TRAPPC12: variants seen among roughly 807,000 people sequenced by gnomAD.
TRAPPC12 encodes the protein TPR repeat protein 15.
In TRAPPC12, 61 loss-of-function variants were observed where a neutral mutation model predicts 69.2. The observed-to-expected ratio is 0.88, with a 90% confidence interval of 0.72 to 1.09. The LOEUF is 1.09. Among genes scored for constraint, TRAPPC12 ranks in the 50% least tolerant of loss-of-function variants. The pLI, the probability that TRAPPC12 is intolerant of heterozygous loss-of-function variation, is 0.00. For synonymous variants in TRAPPC12, 469 were observed against 438.9 expected (o/e 1.07, Z -0.86); for missense variants, 1,101 against 1,016.4 (o/e 1.08, Z -1.13).
chr2:3,446,589 G>A (rs1204871672), intron 6 of TRAPPC12, among the ~76,000 whole-genome samples: 2 of 152,228 alleles, frequency 1.3e-5, no homozygotes, highest in Non-Finnish European at 2.9e-5. Flanking sequence ...GCTCATGGCC[G>A]CATGTGGGCA....
At chr2:3,442,378 T>G (rs536190903) in intron 5 of TRAPPC12, among the ~76,000 whole-genome samples, 1 of 152,346 alleles carries the variant, frequency 6.6e-6, no homozygotes, top group East Asian at 1.9e-4. Flanking sequence ...GTGACGTGGC[T>G]TACATATAAC....
chr2:3,410,623 G>A (rs1662005128), intron 3 of TRAPPC12, among the ~76,000 whole-genome samples: 1 of 152,158 alleles, frequency 6.6e-6, no homozygotes, highest in South Asian at 2.1e-4. Context: ...AGCCTTTACT[G>A]TAAAATATGT....
At chr2:3,443,994 A>G in intron 6 of TRAPPC12, 103 bp downstream of exon 6, 1 of 805,976 alleles carries the variant, frequency 1.2e-6, no homozygotes, top group Non-Finnish European at 2.0e-6. Context: ...TGCCCCATGC[A>G]CCATCGCTGC....
At chr2:3,472,147 C>G (rs1313260192) in intron 9 of TRAPPC12, among the ~76,000 whole-genome samples, 1 of 152,118 alleles carries the variant, frequency 6.6e-6, no homozygotes, top group African/African-American at 2.4e-5. Context: ...TCAGCAAGAA[C>G]CAAGGTCACC....
intron 5 of TRAPPC12, among the ~76,000 whole-genome samples, chr2:3,425,546 G>A (rs942832152): frequency 1.3e-5 from 2 of 152,282 alleles, no homozygotes; most frequent in African/African-American, 4.8e-5. Context: ...ATGATGTCAC[G>A]TGTAAGTTGC....
chr2:3,417,139 C>T (rs371203140), intron 3 of TRAPPC12, among the ~76,000 whole-genome samples: 1 of 152,284 alleles, frequency 6.6e-6, no homozygotes, highest in East Asian at 1.9e-4. Context: ...ACTGTTCCAC[C>T]ATCTTGTCAT....
chr2:3,415,085 C>T (rs985474482), intron 3 of TRAPPC12, among the ~76,000 whole-genome samples: 1 of 152,160 alleles, frequency 6.6e-6, no homozygotes, highest in Non-Finnish European at 1.5e-5. Context: ...AGAGGGTCTG[C>T]TGCTTGTGTT....
At chr2:3,426,666 CTT>C (rs1218268768) in intron 5 of TRAPPC12, among the ~76,000 whole-genome samples, 1 of 152,208 alleles carries the variant, frequency 6.6e-6, no homozygotes, top group African/African-American at 2.4e-5. Context: ...ATAAAGATGT[CTT>C]TACCTCTTCC....
At chr2:3,443,751 A>C (rs1558387427) in intron 5 of TRAPPC12, 28 bp from the exon 6 acceptor site, 4 of 1,595,526 alleles carry the variant, frequency 2.5e-6, no homozygotes, top group Non-Finnish European at 3.4e-6. Flanking sequence ...ATGGCAAACA[A>C]ACTCACTCAG....
At chr2:3,404,887 G>A (rs950414526) in intron 3 of TRAPPC12, among the ~76,000 whole-genome samples, 4 of 151,038 alleles carry the variant, frequency 2.6e-5, no homozygotes, top group African/African-American at 7.3e-5. Context: ...GGCGGTTACG[G>A]GGGAGGGGGC....
intron 3 of TRAPPC12, among the ~76,000 whole-genome samples, chr2:3,419,014 G>A (rs961572622): frequency 7.2e-5 from 11 of 151,994 alleles, no homozygotes; most frequent in African/African-American, 2.7e-4. Flanking sequence ...GCATCCCCTC[G>A]GGCCCTGCAC....
chr2:3,421,543 G>A (rs1662784159), intron 3 of TRAPPC12, among the ~76,000 whole-genome samples: 1 of 152,196 alleles, frequency 6.6e-6, no homozygotes, highest in Non-Finnish European at 1.5e-5. Context: ...TTGCTAAAAA[G>A]GAAACCAGTC....
chr2:3,384,393 C>T (rs1039319170), intron 1 of TRAPPC12, among the ~76,000 whole-genome samples: 14 of 152,136 alleles, frequency 9.2e-5, no homozygotes, highest in Non-Finnish European at 4.4e-5. Flanking sequence ...CTTTTTTCTA[C>T]TTTTAAAGAG....
At chr2:3,474,877 G>A (rs1666231164) in intron 9 of TRAPPC12, among the ~76,000 whole-genome samples, 1 of 145,076 alleles carries the variant, frequency 6.9e-6, no homozygotes, top group Admixed American at 6.7e-5. Context: ...CTGCCTTAGT[G>A]TTGTGTGCCT....
At chr2:3,412,540 G>A (rs146000736) in intron 3 of TRAPPC12, among the ~76,000 whole-genome samples, 4 of 152,164 alleles carry the variant, frequency 2.6e-5, no homozygotes. Flanking sequence ...CAGCCTGGGT[G>A]ACAACAGCAA....
In TRAPPC12 at chr2:3,460,304, T is replaced by C; in HGVS notation, c.1645T>C (p.Tyr549His). The C allele has an allele frequency of 1.1e-6, 1 of 874,598 alleles. No individual in the cohort carries two copies. Among genetic ancestry groups the C allele is most frequent in the Non-Finnish European group, 2.0e-6 (1 of 503,132 alleles). 54.2% of individuals were successfully genotyped at this position (874,598 alleles called of 1,614,324 possible). A position where few individuals can be genotyped will look rare whatever the true frequency, so the allele number is the denominator to read the frequency against. ...GAGGTCACGTCTGGGCCGGGTGATGTACTCCATGGCAAACTGTCTGCTCCT... is the reference window on the plus strand; with the variant it reads ...GAGGTCACGTCTGGGCCGGGTGATGCACTCCATGGCAAACTGTCTGCTCCT... Reference protein sequence around the residue: ...LWRSRLGRVMYSMANCLLLMK... With the variant: ...LWRSRLGRVMHSMANCLLLMK... The change falls in exon 8 of 12, where the codon TAC becomes CAC. Residue 549 changes from tyrosine to histidine, a missense_variant. Tyr to His is a moderately conservative substitution (Grantham distance 83). Coordinates refer to ENST00000324266, the MANE Select transcript of TRAPPC12 (RefSeq NM_016030.6).
chr2:3,404,402 G>C (rs748633898), intron 3 of TRAPPC12, among the ~76,000 whole-genome samples: 1 of 151,942 alleles, frequency 6.6e-6, no homozygotes, highest in Non-Finnish European at 1.5e-5. Context: ...TATTCTTCTC[G>C]ATCTTGATTT....
chr2:3,391,286 A>C (rs1660812081), intron 2 of TRAPPC12, among the ~76,000 whole-genome samples: 1 of 151,668 alleles, frequency 6.6e-6, no homozygotes, highest in African/African-American at 2.4e-5. Flanking sequence ...CCACTTACCC[A>C]CTCCTGAACC....
At chr2:3,452,463 A>T (rs1033529685) in intron 6 of TRAPPC12, among the ~76,000 whole-genome samples, 1 of 152,108 alleles carries the variant, frequency 6.6e-6, no homozygotes, top group African/African-American at 2.4e-5. Flanking sequence ...AAACTGCCAC[A>T]CTGTGGCCGG....
Sources: allele counts gnomAD v4.1 joint callset (sites outside exome capture counted in the v4.1 genomes callset), GRCh38; gene constraint gnomAD v4.1.1; transcripts MANE v1.5; gene names NCBI Gene and HGNC (gene_info 2026-07-23, HGNC 2026-07-21).